Variants in EP400 observed in about 807,000 individuals in gnomAD.
EP400 encodes E1A binding protein p400, also known as E1A-binding protein p400.
Under a neutral mutation model 354.1 loss-of-function variants are expected in EP400, and 105 were observed. The observed-to-expected ratio is 0.30, with a 90% CI of 0.25 to 0.35. EP400 has a LOEUF of 0.35. Ranked by LOEUF, EP400 falls within the 10% of genes least tolerant of loss-of-function variation. EP400 has a pLI of 1.00. For synonymous variants in EP400, 1,646 were observed against 1,716.9 expected, an observed-to-expected ratio of 0.96 and a Z score of 1.02; for missense variants, 3,280 against 4,121.0, an observed-to-expected ratio of 0.80 and a Z score of 5.59.
At chr12:131,957,992 C>G (rs994422495) in intron 1 of EP400, among the ~76,000 whole-genome samples, 20 of 152,314 alleles carry the variant, frequency 1.3e-4, no homozygotes, top group Admixed American at 1.2e-3. Context: ...AAATTCCTAA[C>G]CCTTACCTTT....
rs1896195771 is a variant in EP400 at position 132,075,232 on chromosome 12, A to C, written c.9022-1284A>C. Among the ~76,000 whole-genome samples the C allele has an allele frequency of 6.6e-6, 1 of 151,950 alleles. No homozygotes were observed. The highest frequency in any genetic ancestry group is 6.6e-5 in the Admixed American group (1 of 15,250). Reference sequence around the variant, plus strand: ...CACGGGGCTCTTTTGCAAGCTCCCCACCGAGAACTGGCCTATACCTGGTGT... The same window carrying C: ...CACGGGGCTCTTTTGCAAGCTCCCCCCCGAGAACTGGCCTATACCTGGTGT... On this transcript the variant is annotated intron_variant, in intron 51 of 52. Transcript: ENST00000389561. This position sits in a 1 kb window ranked among gnomAD's most constrained non-coding sequence, Gnocchi z 4.5.
chr12:132,076,238 C>T (rs762931493), intron 51 of EP400: 5 of 492,096 alleles, frequency 1.0e-5, no homozygotes, highest in African/African-American at 5.9e-5. Context: ...AACTTGCAGT[C>T]GTTTTTGTGA....
chr12:132,022,592 T>TG (rs946343061), intron 23 of EP400, among the ~76,000 whole-genome samples: 9 of 152,172 alleles, frequency 5.9e-5, no homozygotes, highest in African/African-American at 2.2e-4. Flanking sequence ...CTTTTTGAGT[T>TG]GGGGGCAAAT....
rs1386104768 is a variant in EP400, at chr12:132,011,578, G to A, written c.3385G>A (p.Gly1129Arg). Reference sequence around the variant, plus strand: ...GCTTGAATTGAAACGTTGGTGTCCCGGACTCAAAATCCTCTCATATATTGG... The same window carrying A: ...GCTTGAATTGAAACGTTGGTGTCCCAGACTCAAAATCCTCTCATATATTGG... Reference protein sequence around the residue: ...WELELKRWCPGLKILSYIGSH... With the variant: ...WELELKRWCPRLKILSYIGSH... The change falls in exon 16 of 53, where the codon GGA becomes AGA. Residue 1129 changes from glycine (G) to arginine (R), a missense_variant. By Grantham distance (125) the Gly-to-Arg change is moderately radical (BLOSUM62 -2). Coordinates refer to ENST00000389561, the MANE Select transcript of EP400 (RefSeq NM_015409.5). The A allele has an allele frequency of 3.1e-6, 5 of 1,613,586 alleles. No homozygotes were observed. The African/African-American group carries it at 4.0e-5, about 13-fold the overall frequency.
chr12:131,995,661 T>C (rs1893185594), intron 12 of EP400, among the ~76,000 whole-genome samples: 1 of 148,488 alleles, frequency 6.7e-6, no homozygotes, highest in South Asian at 2.2e-4. Context: ...ATCCTGAGTG[T>C]GTGAGAACTT....
intron 7 of EP400, among the ~76,000 whole-genome samples, chr12:131,989,567 T>A (rs1892965379): frequency 6.6e-6 from 1 of 152,214 alleles, no homozygotes; most frequent in South Asian, 2.1e-4. Context: ...GCAAAAGCTT[T>A]AAAAATGTGA....
chr12:131,963,897 T>C (rs1891985266), intron 2 of EP400, among the ~76,000 whole-genome samples: 1 of 152,234 alleles, frequency 6.6e-6, no homozygotes, highest in Non-Finnish European at 1.5e-5. Context: ...GCATGTCATC[T>C]AATAGTCCTG....
At position 131,979,933 on chromosome 12, in the gene EP400, T is replaced by C; in HGVS notation, c.1435+140T>C. On this transcript the variant is annotated intron_variant, in intron 3 of 52. Transcript: ENST00000389561. ...TGAAAATTAACCTGTCTTACAGTGATTATCAGCTGAACAATATTTACGTGA... is the reference window on the plus strand; with the variant it reads ...TGAAAATTAACCTGTCTTACAGTGACTATCAGCTGAACAATATTTACGTGA... The C allele has an allele frequency of 6.7e-6, 4 of 595,126 alleles. No homozygotes were observed. In the South Asian group the frequency reaches 1.1e-4, roughly 17 times the overall value. 36.9% of individuals were successfully genotyped at this position (595,126 alleles called of 1,614,324 possible).
At position 132,053,345 on chromosome 12, in the gene EP400, T is replaced by C; in HGVS notation, c.7476T>C (p.Ala2492=). The C allele has an allele frequency of 1.3e-6, 2 of 1,583,646 alleles. No homozygotes were observed. The highest frequency in any genetic ancestry group is 1.3e-5 in the African/African-American group (1 of 74,542). Residue 2492 remains alanine, a splice_region_variant and synonymous_variant, in exon 43 of 53, where the codon GCT becomes GCC. Transcript: ENST00000389561. ...RAERIAKEKK[A]LADQQKAQQP... ...CCTCTTCCTTCCTGGCCCCTCAGGC[T>C]CTGGCTGATCAGCAGAAGGCACAGC... is the stretch of plus-strand genomic sequence containing the variant.
chr12:132,053,390 AC>A lies in EP400; in HGVS notation c.7526del (p.Pro2509ArgfsTer86). ...CACAGCAGCCGGCCGTGGCCCAGCCACCCCCGCCCCAGCCGCAGCCCCCACC... is the reference window on the plus strand; with the variant it reads ...CACAGCAGCCGGCCGTGGCCCAGCCACCCCGCCCCAGCCGCAGCCCCCACC... ...KAQQPAVAQP[P>X]PPQPQPPPPP... On this transcript the variant is annotated frameshift_variant, in exon 43 of 53. Coordinates refer to ENST00000389561, the MANE Select transcript of EP400 (RefSeq NM_015409.5). LOFTEE classifies it high-confidence loss of function. 8.7e-7 allele frequency: 1 copy of A among 1,146,732 alleles called. No individual in the cohort carries two copies. The highest frequency in any genetic ancestry group is 1.2e-6 in the Non-Finnish European group (1 of 860,118). The allele number at this position is 1,146,732 out of a possible 1,614,324, so 71.0% of individuals were successfully genotyped here. A position where few individuals can be genotyped will look rare whatever the true frequency, so the allele number is the denominator to read the frequency against.
intron 15 of EP400, among the ~76,000 whole-genome samples, chr12:132,010,851 A>G (rs2136529830): frequency 6.6e-6 from 1 of 152,326 alleles, no homozygotes; most frequent in East Asian, 1.9e-4. Context: ...CTGAGGCAGG[A>G]GAATCGCTTG....
intron 7 of EP400, 41 bp from the exon 8 acceptor site, chr12:131,989,923 C>A (rs754070317): frequency 6.3e-7 from 1 of 1,596,014 alleles, no homozygotes; most frequent in South Asian, 1.1e-5. Context: ...TCCAGCATGA[C>A]ATAGAGTACA....
intron 48 of EP400, chr12:132,065,297 G>A (rs929832580): frequency 4.3e-5 from 9 of 210,180 alleles, no homozygotes; most frequent in Non-Finnish European, 8.7e-5. Context: ...ACCGCTGTAG[G>A]CAGGGAGAGC....
intron 11 of EP400, 56 bp downstream of exon 11, chr12:131,992,286 A>G: frequency 6.6e-7 from 1 of 1,522,770 alleles, no homozygotes; most frequent in Non-Finnish European, 8.9e-7. Flanking sequence ...ATGAGATGAC[A>G]CAGAGCTGCA....
chr12:132,071,102 T>C (rs1234826214), intron 51 of EP400, among the ~76,000 whole-genome samples: 1 of 152,252 alleles, frequency 6.6e-6, no homozygotes, highest in East Asian at 1.9e-4. Flanking sequence ...TATTTCACTG[T>C]GAAGTAGGGT....
chr12:132,029,710 T>C lies in EP400; in HGVS notation c.5391T>C (p.Phe1797=), dbSNP rs1401776552. 1.9e-6 allele frequency: 3 copies of C among 1,612,476 alleles called. No homozygotes were observed. The highest frequency in any genetic ancestry group is 2.5e-6 in the Non-Finnish European group (3 of 1,179,824). ...SLQDVIDRVA[F]VIPPVVAAPP... ...GCTTTCTGCTCCTCAGGGTGGCCTT[T>C]GTGATTCCTCCGGTGGTGGCAGCAC... Residue 1797 remains phenylalanine, a synonymous_variant, in exon 28 of 53, where the codon TTT becomes TTC. Coordinates refer to ENST00000389561, the MANE Select transcript of EP400 (RefSeq NM_015409.5). This position sits in a 1 kb window ranked among gnomAD's most constrained non-coding sequence, Gnocchi z 4.7.
chr12:132,051,720 C>T (rs755523491), intron 41 of EP400, among the ~76,000 whole-genome samples: 12 of 152,210 alleles, frequency 7.9e-5, no homozygotes, highest in South Asian at 4.1e-4. Context: ...CACAGGGAGA[C>T]GGTTAGGCCT....
chr12:131,979,629 A>G (rs1892610852), intron 2 of EP400, 65 bp from the exon 3 acceptor site: 1 of 1,423,036 alleles, frequency 7.0e-7, no homozygotes, highest in African/African-American at 1.4e-5. Flanking sequence ...AATTATGATA[A>G]TTTGAGTTTA....
Position 132,054,861 on chromosome 12 carries a change from G to A in EP400, c.7729-113G>A. On this transcript the variant is annotated intron_variant, in intron 43 of 52. Coordinates refer to ENST00000389561, the MANE Select transcript of EP400 (RefSeq NM_015409.5). This position sits in a 1 kb window ranked among gnomAD's most constrained non-coding sequence, Gnocchi z 4.0. The stretch of plus-strand genomic sequence containing the variant: ...GCTGGGGAGGATGGGACAGGTGGCT[G>A]TGTGAATGTCGTGGAGTTTGGATTT... The A allele has an allele frequency of 1.8e-6, 2 of 1,100,474 alleles. No individual in the cohort carries two copies. The highest frequency in any genetic ancestry group is 2.7e-5 in the South Asian group (2 of 75,226). 68.2% of individuals were successfully genotyped at this position (1,100,474 alleles called of 1,614,324 possible).
Sources: gnomAD v4.1 joint callset for allele counts (sites outside exome capture counted in the v4.1 genomes callset) on GRCh38, gnomAD v4.1.1 for gene constraint, Gnocchi (gnomAD v3.1) non-coding constraint, MANE v1.5 for transcripts, NCBI Gene and HGNC (gene_info 2026-07-23, HGNC 2026-07-21) for gene names.